Variants in RYR2 observed in about 807,000 individuals in gnomAD.
RYR2 encodes the protein cardiac muscle ryanodine receptor-calcium release channel.
Under a neutral mutation model 601.1 loss-of-function variants are expected in RYR2, and 227 were observed. The observed-to-expected ratio is 0.38, with a 90% CI of 0.34 to 0.42. RYR2 has a LOEUF of 0.42. RYR2 is among the 10% of genes least tolerant of loss of function. RYR2 has a pLI of 1.00. For missense variants in RYR2, 4,646 were observed against 6,156.5 expected (o/e 0.75, Z 8.21); for synonymous variants, 2,223 against 2,175.1 (o/e 1.02, Z -0.61).
chr1:237,283,836 C>A (rs565980017), intron 2 of RYR2, among the ~76,000 whole-genome samples: 1 of 152,074 alleles, frequency 6.6e-6, no homozygotes, highest in Non-Finnish European at 1.5e-5. Context: ...TACTGGAGTA[C>A]AGGTGGTATT....
At chr1:237,661,377 A>G (rs1248990189) in intron 56 of RYR2, among the ~76,000 whole-genome samples, 1 of 152,132 alleles carries the variant, frequency 6.6e-6, no homozygotes, top group Non-Finnish European at 1.5e-5. Context: ...GGATAGCATT[A>G]AGAGAAATAC....
intron 53 of RYR2, among the ~76,000 whole-genome samples, 177 bp from the exon 54 acceptor site, chr1:237,657,767 C>T (rs995347087): frequency 2.0e-5 from 3 of 151,678 alleles, no homozygotes; most frequent in Non-Finnish European, 4.4e-5. Context: ...ACATTATCTG[C>T]TTGACTTTTC....
intron 47 of RYR2, among the ~76,000 whole-genome samples, chr1:237,641,471 G>GTCTTTCTTTCTTTCTTTCTTTCTTTCTT: frequency 9.2e-6 from 1 of 108,708 alleles, no homozygotes; most frequent in African/African-American, 2.9e-5. Context: ...GTGTCTGTCT[G>GTCTTTCTTTCTTTCTTTCTTTCTTTCTT]TCTTTCTTTC....
chr1:237,795,865 TATATATATACAC>T lies in RYR2; in HGVS notation c.13956+544_13956+555del, dbSNP rs1217304322. ...ATATATATATGTATATGTATATATA[TATATATATACAC>T]ATATATATATACACACATATATGGA... On this transcript the variant is annotated intron_variant, in intron 96 of 104. Transcript: ENST00000366574. Among the ~76,000 whole-genome samples the T allele has an allele frequency of 1.7e-4, 24 of 144,032 alleles. No individual in the cohort carries two copies. In the South Asian group the frequency reaches 1.7e-3, roughly 10 times the overall value. 94.5% of individuals were successfully genotyped at this position (144,032 alleles called of 152,430 possible). A position where few individuals can be genotyped will look rare whatever the true frequency, so the allele number is the denominator to read the frequency against.
intron 24 of RYR2, among the ~76,000 whole-genome samples, chr1:237,528,380 A>G (rs1181574525): frequency 2.0e-5 from 3 of 152,166 alleles, no homozygotes; most frequent in Non-Finnish European, 2.9e-5. Flanking sequence ...GAAAAAGTAT[A>G]GGGTTTGGTA....
intron 3 of RYR2, among the ~76,000 whole-genome samples, chr1:237,341,918 C>T (rs1355951754): frequency 6.6e-6 from 1 of 152,132 alleles, no homozygotes; most frequent in Admixed American, 6.5e-5. Flanking sequence ...CAGGTTAATA[C>T]CTGTGGTCAC....
chr1:237,753,947 T>A (rs968785119), intron 80 of RYR2, among the ~76,000 whole-genome samples: 4 of 150,886 alleles, frequency 2.7e-5, no homozygotes, highest in Non-Finnish European at 5.9e-5. Context: ...TAATTTATAA[T>A]AAACTTTCCC....
chr1:237,222,629 G>A (rs1683944960), intron 1 of RYR2, among the ~76,000 whole-genome samples: 1 of 152,044 alleles, frequency 6.6e-6, no homozygotes, highest in Non-Finnish European at 1.5e-5. Flanking sequence ...GAGGTTTTCA[G>A]TCTTTATTTA....
intron 24 of RYR2, among the ~76,000 whole-genome samples, chr1:237,520,148 A>G (rs9633356): frequency 0.24 from 36,235 of 152,130 alleles, 4,777 homozygotes; most frequent in South Asian, 0.39. Context: ...ATTTTTGTAC[A>G]TTGATTTTAC....
intron 63 of RYR2, among the ~76,000 whole-genome samples, chr1:237,694,539 T>C (rs1215909732): frequency 6.6e-6 from 1 of 152,140 alleles, no homozygotes; most frequent in Non-Finnish European, 1.5e-5. Flanking sequence ...ATTTAACTTA[T>C]TATATATACT....
chr1:237,372,202 G>A (rs149576118), intron 6 of RYR2, among the ~76,000 whole-genome samples: 6 of 152,306 alleles, frequency 3.9e-5, no homozygotes, highest in Middle Eastern at 3.4e-3. Context: ...ATACATGGAC[G>A]TGATTTTAAT....
intron 34 of RYR2, among the ~76,000 whole-genome samples, chr1:237,599,997 A>G (rs1676324479): frequency 1.3e-5 from 2 of 152,142 alleles, no homozygotes; most frequent in East Asian, 1.9e-4. Context: ...TGTCCATAGT[A>G]CAAAAAGTAA....
At chr1:237,455,988 T>C (rs957713258) in intron 15 of RYR2, among the ~76,000 whole-genome samples, 1 of 152,216 alleles carries the variant, frequency 6.6e-6, no homozygotes, top group Admixed American at 6.5e-5. Context: ...GAAATGTTCT[T>C]AGGTCCATGG....
chr1:237,594,157 CT>C (rs935750440), intron 33 of RYR2, among the ~76,000 whole-genome samples: 2 of 152,142 alleles, frequency 1.3e-5, no homozygotes, highest in Non-Finnish European at 2.9e-5. Flanking sequence ...TCTGTGCCAT[CT>C]TTTTTTCATT....
At chr1:237,257,259 A>G (rs148174926) in intron 1 of RYR2, among the ~76,000 whole-genome samples, 555 of 152,288 alleles carry the variant, frequency 3.6e-3, no homozygotes, top group African/African-American at 0.013. Flanking sequence ...GCTTACTCTT[A>G]CAATGGCTCT....
At chr1:237,055,730 T>C (rs1479659102) in intron 1 of RYR2, among the ~76,000 whole-genome samples, 2 of 152,198 alleles carry the variant, frequency 1.3e-5, no homozygotes, top group Admixed American at 1.3e-4. Flanking sequence ...AAAAAGTATG[T>C]TGACATCCTA....
At chr1:237,476,797 G>A (rs1016209425) in intron 17 of RYR2, among the ~76,000 whole-genome samples, 3 of 152,140 alleles carry the variant, frequency 2.0e-5, no homozygotes, top group Non-Finnish European at 4.4e-5. Context: ...AAGAACAAGA[G>A]CTCACATGAT....
chr1:237,645,916 G>T (rs1274468914), intron 48 of RYR2, among the ~76,000 whole-genome samples: 4 of 144,030 alleles, frequency 2.8e-5, no homozygotes, highest in African/African-American at 2.6e-5. Context: ...TCACTCTGTC[G>T]CCCAGGCTGG....
chr1:237,506,162 CTT>C (rs35038087), intron 22 of RYR2, among the ~76,000 whole-genome samples: 59 of 142,302 alleles, frequency 4.1e-4, no homozygotes, highest in Middle Eastern at 3.7e-3. Flanking sequence ...ACCAACACTC[CTT>C]TTTTTTTTTT....
Sources: gnomAD v4.1 joint callset for allele counts (sites outside exome capture counted in the v4.1 genomes callset) on GRCh38, gnomAD v4.1.1 for gene constraint, MANE v1.5 for transcripts, NCBI Gene and HGNC (gene_info 2026-07-23, HGNC 2026-07-21) for gene names.